SPATA16: variants seen among roughly 807,000 people sequenced by gnomAD.
SPATA16 encodes spermatogenesis associated 16, also known as spermatogenesis-associated protein 16.
In SPATA16, 36 loss-of-function variants were observed where a neutral mutation model predicts 63.3. The observed-to-expected ratio is 0.57, with a 90% CI of 0.44 to 0.75. SPATA16 has a LOEUF of 0.75. SPATA16 is among the 30% of genes least tolerant of loss of function. The probability of loss-of-function intolerance (pLI) is 0.00; values close to 1 mark genes in which losing one functional copy is unlikely to be tolerated. For synonymous variants in SPATA16, 203 were observed against 216.7 expected (o/e 0.94, Z 0.56); for missense variants, 646 against 679.3 (o/e 0.95, Z 0.54).
chr3:172,912,000 C>T (rs560666600), intron 10 of SPATA16, among the ~76,000 whole-genome samples: 82 of 152,352 alleles, frequency 5.4e-4, no homozygotes, highest in African/African-American at 1.6e-3. Context: ...TACTCTAAAA[C>T]ATTCCAAACC....
intron 4 of SPATA16, among the ~76,000 whole-genome samples, chr3:172,984,816 A>G (rs999717247): frequency 2.0e-5 from 3 of 152,196 alleles, no homozygotes; most frequent in African/African-American, 2.4e-5. Context: ...TCAATTGGTA[A>G]CAACAAAAAA....
At chr3:172,959,601 TTA>T (rs1218969295) in intron 5 of SPATA16, among the ~76,000 whole-genome samples, 4 of 152,050 alleles carry the variant, frequency 2.6e-5, no homozygotes, top group Non-Finnish European at 5.9e-5. Flanking sequence ...AAGGAAATTA[TTA>T]TAGCCCCAGG....
intron 1 of SPATA16, among the ~76,000 whole-genome samples, chr3:173,118,083 A>C: frequency 6.6e-6 from 1 of 152,208 alleles, no homozygotes; most frequent in East Asian, 1.9e-4. Context: ...TGAGACAAGA[A>C]AAGCCAAAGT....
At chr3:173,097,354 G>T (rs1026109519) in intron 2 of SPATA16, among the ~76,000 whole-genome samples, 1 of 152,234 alleles carries the variant, frequency 6.6e-6, no homozygotes, top group African/African-American at 2.4e-5. Flanking sequence ...CTTTCTTTAA[G>T]TCAAAAGGTG....
intron 1 of SPATA16, among the ~76,000 whole-genome samples, chr3:173,127,330 T>C (rs1044880121): frequency 6.6e-6 from 1 of 152,238 alleles, no homozygotes; most frequent in African/African-American, 2.4e-5. Context: ...ATTTCGTTAC[T>C]GTAGCATAAT....
At chr3:172,916,220 A>C (rs1232556630) in intron 9 of SPATA16, 97 bp downstream of exon 9, 2 of 1,457,664 alleles carry the variant, frequency 1.4e-6, no homozygotes, top group Non-Finnish European at 1.9e-6. Flanking sequence ...GGCTACATTT[A>C]TTACCACAGG....
At chr3:172,895,695 G>A (rs971368694) in intron 10 of SPATA16, among the ~76,000 whole-genome samples, 3 of 152,132 alleles carry the variant, frequency 2.0e-5, no homozygotes, top group Non-Finnish European at 4.4e-5. Context: ...GAATCATATA[G>A]TATATAACTT....
At chr3:173,110,757 C>T (rs1737732031) in intron 2 of SPATA16, among the ~76,000 whole-genome samples, 1 of 152,188 alleles carries the variant, frequency 6.6e-6, no homozygotes, top group African/African-American at 2.4e-5. Flanking sequence ...AAATTCAGTG[C>T]CCTGTCCATC....
At chr3:172,948,398 C>T (rs1471940966) in intron 6 of SPATA16, among the ~76,000 whole-genome samples, 1 of 152,038 alleles carries the variant, frequency 6.6e-6, no homozygotes, top group Non-Finnish European at 1.5e-5. Context: ...CTTTCAAGCA[C>T]GAAGGAGAAA....
At chr3:173,101,678 C>G (rs921897067) in intron 2 of SPATA16, among the ~76,000 whole-genome samples, 5 of 152,110 alleles carry the variant, frequency 3.3e-5, no homozygotes, top group African/African-American at 1.2e-4. Flanking sequence ...CCTGGCCTTT[C>G]ACATTTTTAT....
chr3:172,923,081 G>A (rs1411722684), intron 8 of SPATA16, among the ~76,000 whole-genome samples: 1 of 152,192 alleles, frequency 6.6e-6, no homozygotes, highest in Admixed American at 6.6e-5. Flanking sequence ...AATGCTACAC[G>A]GTGATGGTTC....
chr3:173,036,480 G>A (rs1429390838), intron 3 of SPATA16, among the ~76,000 whole-genome samples: 1 of 151,874 alleles, frequency 6.6e-6, no homozygotes, highest in Non-Finnish European at 1.5e-5. Flanking sequence ...ATGACCAACA[G>A]GTAATATTAC....
At chr3:173,135,128 C>A (rs1738505568) in intron 1 of SPATA16, among the ~76,000 whole-genome samples, 1 of 152,096 alleles carries the variant, frequency 6.6e-6, no homozygotes, top group Admixed American at 6.6e-5. Context: ...GAAGAAGACC[C>A]AGTAGAGAAG....
chr3:172,986,174 G>T (rs1577119442), intron 4 of SPATA16, among the ~76,000 whole-genome samples: 1 of 152,148 alleles, frequency 6.6e-6, no homozygotes. Context: ...GAAGAAGATT[G>T]TCTTACCATG....
At chr3:172,946,768 C>T (rs1298941557) in intron 6 of SPATA16, among the ~76,000 whole-genome samples, 1 of 152,062 alleles carries the variant, frequency 6.6e-6, no homozygotes, top group Non-Finnish European at 1.5e-5. Context: ...GCAGGGAACT[C>T]ACCACCCTGA....
intron 6 of SPATA16, among the ~76,000 whole-genome samples, chr3:172,926,447 A>G (rs1339077344): frequency 6.6e-6 from 1 of 152,184 alleles, no homozygotes; most frequent in African/African-American, 2.4e-5. Context: ...TGAATTCCAC[A>G]TAATAACTTC....
intron 2 of SPATA16, among the ~76,000 whole-genome samples, chr3:173,098,990 T>C (rs1318333292): frequency 6.6e-6 from 1 of 152,062 alleles, no homozygotes; most frequent in Non-Finnish European, 1.5e-5. Context: ...ACCAAAAACC[T>C]TCAACTATCA....
rs1264602970 is a variant in SPATA16 at position 172,916,396 on chromosome 3, G to T, written c.1424C>A (p.Ser475Tyr). ...TGCCATTGCTTGATTAATCACCTGG[G>T]ACTGCTCCTTTACTCTCTGCAGCTG... ...LSQLQRVKEQ[S>Y]QVINQAMAEL... Residue 475 changes from serine (S) to tyrosine (Y), a missense_variant, in exon 9 of 11, where the codon TCC becomes TAC. Transcript: ENST00000351008. 2.5e-6 allele frequency: 4 copies of T among 1,613,852 alleles called. No homozygotes were observed. Among genetic ancestry groups the T allele is most frequent in the South Asian group, 1.1e-5 (1 of 91,074 alleles).
intron 2 of SPATA16, among the ~76,000 whole-genome samples, chr3:173,050,372 ATTG>A (rs1736059685): frequency 6.6e-6 from 1 of 152,052 alleles, no homozygotes; most frequent in Non-Finnish European, 1.5e-5. Flanking sequence ...GGAGATTCAT[ATTG>A]TTCTTAAAAC....
Sources: gnomAD v4.1 joint callset for allele counts (sites outside exome capture counted in the v4.1 genomes callset) on GRCh38, gnomAD v4.1.1 for gene constraint, MANE v1.5 for transcripts, NCBI Gene and HGNC (gene_info 2026-07-23, HGNC 2026-07-21) for gene names.